STON2: variants seen among roughly 807,000 people sequenced by gnomAD.
STON2 encodes stonin-2.
STON2 carries 29 observed loss-of-function variants against 65.7 expected under a neutral mutation model. The observed-to-expected ratio is 0.44, with a 90% CI of 0.33 to 0.60. The LOEUF (loss-of-function observed/expected upper bound fraction) is 0.60, where lower values mean the gene tolerates loss of function less well. Among genes scored for constraint, STON2 ranks in the 20% least tolerant of loss-of-function variants. STON2 has a pLI of 0.03. For synonymous variants in STON2, 404 were observed against 414.2 expected, an observed-to-expected ratio of 0.98 and a Z score of 0.30; for missense variants, 1,054 against 1,118.1, an observed-to-expected ratio of 0.94 and a Z score of 0.82.
chr14:81,346,476 AG>A (rs1232257838), intron 4 of STON2, among the ~76,000 whole-genome samples: 1 of 152,348 alleles, frequency 6.6e-6, no homozygotes, highest in Admixed American at 6.5e-5. Flanking sequence ...AGGCACCACA[AG>A]GAAGTCAAGA....
chr14:81,385,038 G>C (rs1427805305), intron 3 of STON2, among the ~76,000 whole-genome samples: 2 of 152,160 alleles, frequency 1.3e-5, no homozygotes, highest in Non-Finnish European at 2.9e-5. Flanking sequence ...CCAACTGTTA[G>C]GCAACTTCAA....
At chr14:81,269,586 G>A in intron 7 of STON2, 1 of 985,264 alleles carries the variant, frequency 1.0e-6, no homozygotes, top group Non-Finnish European at 1.2e-6. Context: ...TTTGAGGGAG[G>A]TGCTATTTTT....
intron 5 of STON2, among the ~76,000 whole-genome samples, chr14:81,320,671 T>C (rs1896793124): frequency 6.6e-6 from 1 of 151,916 alleles, no homozygotes; most frequent in Admixed American, 6.6e-5. Flanking sequence ...CTATTTACTC[T>C]CAGCACTATT....
chr14:81,357,445 G>A (rs1898291037), intron 4 of STON2, among the ~76,000 whole-genome samples: 1 of 151,634 alleles, frequency 6.6e-6, no homozygotes, highest in Non-Finnish European at 1.5e-5. Context: ...CTTTTACACT[G>A]TTGGTGGGAC....
intron 2 of STON2, among the ~76,000 whole-genome samples, chr14:81,422,196 TC>T (rs1399103061): frequency 2.0e-5 from 3 of 152,126 alleles, no homozygotes; most frequent in African/African-American, 7.2e-5. Flanking sequence ...TGAGGCCAGA[TC>T]CCTATGAATG....
At chr14:81,363,820 A>C (rs977079240) in intron 4 of STON2, among the ~76,000 whole-genome samples, 3 of 152,178 alleles carry the variant, frequency 2.0e-5, no homozygotes, top group African/African-American at 7.2e-5. Context: ...AGAACACAAA[A>C]ATTTCCTGTA....
intron 5 of STON2, among the ~76,000 whole-genome samples, chr14:81,310,502 A>G (rs938231385): frequency 2.0e-5 from 3 of 152,218 alleles, no homozygotes; most frequent in African/African-American, 7.2e-5. Context: ...TGGCAGCATT[A>G]GGAATAGGCA....
chr14:81,281,041 A>G (rs1350466607), intron 5 of STON2, among the ~76,000 whole-genome samples: 2 of 151,928 alleles, frequency 1.3e-5, no homozygotes, highest in Non-Finnish European at 2.9e-5. Context: ...AGAAAAGAAA[A>G]TGTAGGCTGT....
intron 5 of STON2, among the ~76,000 whole-genome samples, chr14:81,287,499 T>C (rs1216919771): frequency 6.6e-6 from 1 of 152,218 alleles, no homozygotes; most frequent in African/African-American, 2.4e-5. Context: ...AGGTGACCTA[T>C]GAAGCAGTAC....
In STON2 at chr14:81,396,084, T is replaced by G. The variant is rs778921969; in HGVS notation, c.183A>C (p.Gln61His). 1 of 1,614,184 alleles carries G rather than the reference T, an allele frequency of 6.2e-7. No homozygotes were observed. The highest frequency in any genetic ancestry group is 1.1e-5 in the South Asian group (1 of 91,078). Residue 61 changes from glutamine to histidine, a missense_variant, in exon 3 of 8, where the codon CAA becomes CAC. Coordinates refer to ENST00000614646, the MANE Select transcript of STON2 (RefSeq NM_001394390.1). ...GENHVVDGGS[Q>H]DHSHSEQDDS... is the part of the protein sequence containing the mutation. ...CATCCTGCTCCGAGTGGGAATGGTCTTGAGAGCCTCCATCCACCACATGGT... is the reference window on the plus strand; with the variant it reads ...CATCCTGCTCCGAGTGGGAATGGTCGTGAGAGCCTCCATCCACCACATGGT...
At chr14:81,413,731 G>A (rs1901284850) in intron 2 of STON2, among the ~76,000 whole-genome samples, 1 of 139,388 alleles carries the variant, frequency 7.2e-6, no homozygotes, top group Admixed American at 7.1e-5. Context: ...GGGAGGTGGA[G>A]GTTGCAGTGG....
chr14:81,421,885 G>A (rs954803423), intron 2 of STON2, among the ~76,000 whole-genome samples: 1 of 152,224 alleles, frequency 6.6e-6, no homozygotes, highest in African/African-American at 2.4e-5. Flanking sequence ...CACAGACTGA[G>A]AGGCCACTGG....
chr14:81,290,214 T>C (rs529626444), intron 5 of STON2, among the ~76,000 whole-genome samples: 3 of 152,352 alleles, frequency 2.0e-5, no homozygotes, highest in African/African-American at 4.8e-5. Context: ...AGAAGTCTCT[T>C]AGCCTCATAG....
At chr14:81,394,571 G>A (rs924249647) in intron 3 of STON2, among the ~76,000 whole-genome samples, 15 of 152,140 alleles carry the variant, frequency 9.9e-5, no homozygotes, top group African/African-American at 2.7e-4. Flanking sequence ...TTATCCCGGT[G>A]AGCCCAGTGT....
chr14:81,359,613 A>G (rs375265624), intron 4 of STON2, among the ~76,000 whole-genome samples: 1 of 152,174 alleles, frequency 6.6e-6, no homozygotes, highest in Non-Finnish European at 1.5e-5. Context: ...AAAAGATAAC[A>G]TGGATGAACT....
intron 5 of STON2, among the ~76,000 whole-genome samples, chr14:81,308,787 T>C (rs1896286043): frequency 5.7e-5 from 1 of 17,476 alleles, no homozygotes; most frequent in Non-Finnish European, 8.8e-5. Flanking sequence ...TACCCATATA[T>C]ATATATATAT....
At chr14:81,313,258 T>C (rs1281877913) in intron 5 of STON2, among the ~76,000 whole-genome samples, 1 of 152,124 alleles carries the variant, frequency 6.6e-6, no homozygotes, top group East Asian at 1.9e-4. Flanking sequence ...TTTTGGGTCT[T>C]AGAGGTAGAT....
intron 4 of STON2, among the ~76,000 whole-genome samples, chr14:81,355,096 A>G (rs1394335274): frequency 1.3e-5 from 2 of 152,074 alleles, no homozygotes; most frequent in African/African-American, 4.8e-5. Context: ...TTCAGAAGAG[A>G]AAAAAAAGAA....
At chr14:81,427,138 CCA>C (rs1902016728) in exon 2 of STON2, 1 of 152,226 alleles carries the variant, frequency 6.6e-6, no homozygotes, top group South Asian at 2.1e-4. Context: ...CAGTCTGGCT[CCA>C]GAGTCTGTAC....
Sources: allele counts gnomAD v4.1 joint callset (sites outside exome capture counted in the v4.1 genomes callset), GRCh38; gene constraint gnomAD v4.1.1; transcripts MANE v1.5; gene names NCBI Gene and HGNC (gene_info 2026-07-23, HGNC 2026-07-21).